NFIC: variants seen among roughly 807,000 people sequenced by gnomAD.
The protein encoded by NFIC is nuclear factor 1 C-type.
In NFIC, 12 loss-of-function variants were observed where a neutral mutation model predicts 54.4. That is an observed-to-expected ratio of 0.22 (90% CI 0.14 to 0.36). The LOEUF (loss-of-function observed/expected upper bound fraction) is 0.36. NFIC is among the 10% of genes least tolerant of loss of function. The pLI, the probability that NFIC is intolerant of heterozygous loss-of-function variation, is 1.00. For missense variants in NFIC, 575 were observed against 718.2 expected, an observed-to-expected ratio of 0.80 and a Z score of 2.28; for synonymous variants, 322 against 319.2, an observed-to-expected ratio of 1.01 and a Z score of -0.09.
chr19:3,412,831 G>A (rs1221882988), intron 2 of NFIC, among the ~76,000 whole-genome samples: 1 of 152,186 alleles, frequency 6.6e-6, no homozygotes, highest in Non-Finnish European at 1.5e-5. Flanking sequence ...GCCCCAGGTG[G>A]GGGTGCTCTG....
intron 6 of NFIC, among the ~76,000 whole-genome samples, chr19:3,437,428 C>G (rs1437135848): frequency 6.6e-6 from 1 of 151,394 alleles, no homozygotes; most frequent in Non-Finnish European, 1.5e-5. Flanking sequence ...TGTGACATTT[C>G]AGGTGCCAAG....
chr19:3,412,759 A>C (rs534214280), intron 2 of NFIC, among the ~76,000 whole-genome samples: 1 of 152,266 alleles, frequency 6.6e-6, no homozygotes, highest in African/African-American at 2.4e-5. Flanking sequence ...GTACATGCAG[A>C]TGTCGTTATA....
At chr19:3,373,856 G>A (rs917125932) in intron 1 of NFIC, among the ~76,000 whole-genome samples, 3 of 152,142 alleles carry the variant, frequency 2.0e-5, no homozygotes, top group Admixed American at 2.0e-4. Context: ...TGTTTGCTGA[G>A]CAACAGAATG....
chr19:3,385,557 T>A (rs1258067938), intron 2 of NFIC, among the ~76,000 whole-genome samples: 1 of 148,682 alleles, frequency 6.7e-6, no homozygotes, highest in Non-Finnish European at 1.5e-5. Context: ...TTTTGGGGGT[T>A]TTTTTGGTTG....
At chr19:3,401,753 G>A (rs563742003) in intron 2 of NFIC, among the ~76,000 whole-genome samples, 1 of 150,826 alleles carries the variant, frequency 6.6e-6, no homozygotes, top group African/African-American at 2.4e-5. Context: ...ACAGAGTCTC[G>A]CTCTGTCACC....
intron 6 of NFIC, among the ~76,000 whole-genome samples, chr19:3,438,767 G>GCCCT (rs1230048198): frequency 2.0e-5 from 3 of 152,238 alleles, no homozygotes; most frequent in Non-Finnish European, 4.4e-5. Context: ...TCAGTGTAAA[G>GCCCT]CCCTCCTGTG....
At chr19:3,404,547 C>G (rs1001169308) in intron 2 of NFIC, among the ~76,000 whole-genome samples, 1 of 152,042 alleles carries the variant, frequency 6.6e-6, no homozygotes, top group Non-Finnish European at 1.5e-5. Context: ...GCCCAGGGCC[C>G]AGTGGTGCCC....
At chr19:3,413,568 G>A (rs1446712880) in intron 2 of NFIC, among the ~76,000 whole-genome samples, 2 of 152,174 alleles carry the variant, frequency 1.3e-5, no homozygotes, top group South Asian at 2.1e-4. Flanking sequence ...CTGCAGAGGA[G>A]TTACAAAGAT....
chr19:3,395,474 C>G (rs919288758), intron 2 of NFIC, among the ~76,000 whole-genome samples: 2 of 144,486 alleles, frequency 1.4e-5, no homozygotes, highest in Non-Finnish European at 3.0e-5. Flanking sequence ...GGATTACAGG[C>G]GCATACCACC....
Position 3,453,248 on chromosome 19 carries a change from A to C in NFIC, c.1270-515A>C, listed in dbSNP as rs972154429. On this transcript the variant is annotated intron_variant, in intron 8 of 10. Transcript: ENST00000443272. This position sits in a 1 kb window ranked among gnomAD's most constrained non-coding sequence, Gnocchi z 6.7. ...AACGAGACCCTGTCTCAAAAAGAAA[A>C]AAAAGGTTGGGGGGCGGGGGGCAGG... is the stretch of plus-strand genomic sequence containing the variant. 3.3e-5 allele frequency among the ~76,000 whole-genome samples: 5 copies of C among 152,036 alleles called. No homozygotes were observed. The highest frequency in any genetic ancestry group is 1.5e-5 in the Non-Finnish European group (1 of 67,996).
In NFIC at chr19:3,397,142, T is replaced by C. The variant is rs1230206591; in HGVS notation, c.562+14899T>C. Among the ~76,000 whole-genome samples, 3 of 152,114 alleles carry C rather than the reference T, an allele frequency of 2.0e-5. 1 individual carries two copies. Among genetic ancestry groups the C allele is most frequent in the Admixed American group, 2.0e-4 (3 of 15,262 alleles). On this transcript the variant is annotated intron_variant, in intron 2 of 10. Transcript: ENST00000443272. Reference sequence around the variant, plus strand: ...CACATTGTTGGCAGCTACCTCACCGTCTCACAACCACCCGCTGAGGTTGGA... The same window carrying C: ...CACATTGTTGGCAGCTACCTCACCGCCTCACAACCACCCGCTGAGGTTGGA...
Position 3,453,723 on chromosome 19 carries a change from G to A in NFIC, c.1270-40G>A, listed in dbSNP as rs761623673. The A allele has an allele frequency of 2.5e-6, 4 of 1,571,422 alleles. No individual in the cohort carries two copies. Among genetic ancestry groups the A allele is most frequent in the Non-Finnish European group, 3.4e-6 (4 of 1,163,576 alleles). On this transcript the variant is annotated intron_variant, in intron 8 of 10. Transcript: ENST00000443272. This position sits in a 1 kb window ranked among gnomAD's most constrained non-coding sequence, Gnocchi z 6.7. ...GGCGCCAGCAGCCCGAGGTAGAGGG[G>A]GAGCCCACCCCTTAACCACGTGTCT...
At chr19:3,400,896 A>T (rs1241450917) in intron 2 of NFIC, among the ~76,000 whole-genome samples, 2 of 152,182 alleles carry the variant, frequency 1.3e-5, no homozygotes, top group Non-Finnish European at 2.9e-5. Context: ...AGCGATAAGG[A>T]CTATCAAGAA....
intron 2 of NFIC, among the ~76,000 whole-genome samples, chr19:3,412,178 G>A (rs1368746247): frequency 6.6e-6 from 1 of 152,096 alleles, no homozygotes; most frequent in African/African-American, 2.4e-5. Context: ...GAGCTCCTGG[G>A]CTCAGACGAT....
In NFIC at chr19:3,465,287, C is replaced by T. The variant is rs978534368; in HGVS notation, c.*2518C>T. 3 of 148,148 alleles carry T rather than the reference C, an allele frequency of 2.0e-5. No homozygotes were observed. The highest frequency in any genetic ancestry group is 7.5e-5 in the African/African-American group (3 of 40,158). The allele number at this position is 148,148 out of a possible 1,614,324, so 9.2% of individuals were successfully genotyped here. A position where few individuals can be genotyped will look rare whatever the true frequency, so the allele number is the denominator to read the frequency against. ...AAGTATTACCTTTAAACAATATCAGCGCACACACATAGCTGCATGTTCTGC... is the reference window on the plus strand; with the variant it reads ...AAGTATTACCTTTAAACAATATCAGTGCACACACATAGCTGCATGTTCTGC... On this transcript the variant is annotated 3_prime_UTR_variant, in exon 11 of 11. Transcript: ENST00000443272.
chr19:3,361,698 A>G (rs1417196934), upstream of NFIC, among the ~76,000 whole-genome samples: 2 of 151,792 alleles, frequency 1.3e-5, no homozygotes, highest in African/African-American at 4.8e-5. Flanking sequence ...ACCATCCCTC[A>G]CACCCACTCC....
intron 6 of NFIC, among the ~76,000 whole-genome samples, chr19:3,445,203 GCA>G (rs879266911): frequency 1.8e-4 from 27 of 150,634 alleles, no homozygotes; most frequent in African/African-American, 4.1e-4. Context: ...GTATTCACAT[GCA>G]CACACACACG....
intron 3 of NFIC, among the ~76,000 whole-genome samples, chr19:3,428,053 C>G (rs778031174): frequency 1.3e-5 from 2 of 151,636 alleles, no homozygotes; most frequent in African/African-American, 2.4e-5. Flanking sequence ...GCCTGTAATC[C>G]CAGCTACCCG....
chr19:3,463,658 C>CT lies in NFIC; in HGVS notation c.*889_*890insT. The CT allele has an allele frequency of 1.0e-6, 1 of 981,274 alleles. No homozygotes were observed. The highest frequency in any genetic ancestry group is 4.7e-5 in the South Asian group (1 of 21,136). The allele number at this position is 981,274 out of a possible 1,614,324, so 60.8% of individuals were successfully genotyped here. ...CCACCCCCGGCATAGGAGGCCCCCC[C>CT]ACCTCGCCCGGCTCACACCCCCAAA... On this transcript the variant is annotated 3_prime_UTR_variant, in exon 11 of 11. Coordinates refer to ENST00000443272, the MANE Select transcript of NFIC (RefSeq NM_001245002.2).
Sources: gnomAD v4.1 joint callset for allele counts (sites outside exome capture counted in the v4.1 genomes callset) on GRCh38, gnomAD v4.1.1 for gene constraint, Gnocchi (gnomAD v3.1) non-coding constraint, MANE v1.5 for transcripts, NCBI Gene and HGNC (gene_info 2026-07-23, HGNC 2026-07-21) for gene names.